Variants in ROCK1 observed in about 807,000 individuals in gnomAD.
ROCK1 encodes the protein rho-associated protein kinase 1.
Under a neutral mutation model 196.8 loss-of-function variants are expected in ROCK1, and 36 were observed. The ratio of observed to expected loss-of-function variants is 0.18; its 90% CI spans 0.14 to 0.24. The LOEUF (loss-of-function observed/expected upper bound fraction) is 0.24, where lower values mean the gene tolerates loss of function less well. ROCK1 is among the 10% of genes least tolerant of loss of function. The pLI, the probability that ROCK1 is intolerant of heterozygous loss-of-function variation, is 1.00. For synonymous variants in ROCK1, 443 were observed against 515.9 expected (o/e 0.86, Z 1.91); for missense variants, 920 against 1,562.0 (o/e 0.59, Z 6.93).
At chr18:20,991,153 A>G (rs770421465) in intron 18 of ROCK1, 23 bp downstream of exon 18, 1 of 1,557,926 alleles carries the variant, frequency 6.4e-7, no homozygotes, top group East Asian at 2.3e-5. Flanking sequence ...CAATTTTGTA[A>G]AAATATTAAA....
chr18:21,038,184 C>T lies in ROCK1; in HGVS notation c.1051+1288G>A, dbSNP rs115533540. On this transcript the variant is annotated intron_variant, in intron 9 of 32. Transcript: ENST00000399799. Reference sequence around the variant, plus strand: ...AGTGTTTTGATGTAACCATTTCTCACTCCCTGATCATCTCTTTGTCATGCA... The same window carrying T: ...AGTGTTTTGATGTAACCATTTCTCATTCCCTGATCATCTCTTTGTCATGCA... Among the ~76,000 whole-genome samples the T allele has an allele frequency of 4.2e-3, 645 of 152,250 alleles. 3 individuals carry two copies. Among genetic ancestry groups the T allele is most frequent in the African/African-American group, 0.015 (617 of 41,564 alleles).
In ROCK1 at chr18:21,047,772, T is replaced by C. The variant is rs2036173468; in HGVS notation, c.414+1320A>G. 2.0e-5 allele frequency among the ~76,000 whole-genome samples: 3 copies of C among 150,262 alleles called. No homozygotes were observed. The South Asian group carries it at 6.3e-4, about 32-fold the overall frequency. ...GAGATCGCACCATTGCACTCCGGCCTGGGCGACAGAGCGAGACTCCGTCTC... is the reference window on the plus strand; with the variant it reads ...GAGATCGCACCATTGCACTCCGGCCCGGGCGACAGAGCGAGACTCCGTCTC... On this transcript the variant is annotated intron_variant, in intron 4 of 32. Transcript: ENST00000399799.
At chr18:21,016,047 G>C (rs1026348132) in intron 12 of ROCK1, among the ~76,000 whole-genome samples, 1 of 151,668 alleles carries the variant, frequency 6.6e-6, no homozygotes, top group Non-Finnish European at 1.5e-5. Context: ...GTGTAATTCA[G>C]TAGTATATAT....
intron 29 of ROCK1, among the ~76,000 whole-genome samples, chr18:20,959,220 T>TA (rs2035302151): frequency 1.2e-5 from 1 of 84,714 alleles, no homozygotes; most frequent in Non-Finnish European, 2.2e-5. Flanking sequence ...ATATATATAT[T>TA]TTTTTTTTGA....
intron 2 of ROCK1, among the ~76,000 whole-genome samples, chr18:21,054,482 C>A (rs1011679036): frequency 6.6e-6 from 1 of 151,986 alleles, no homozygotes; most frequent in Non-Finnish European, 1.5e-5. Context: ...CAAGTGGGGA[C>A]CTTTACTTTT....
chr18:20,985,779 T>C (rs547176210), intron 19 of ROCK1, among the ~76,000 whole-genome samples: 1 of 152,170 alleles, frequency 6.6e-6, no homozygotes, highest in Non-Finnish European at 1.5e-5. Context: ...CTCTAATTTC[T>C]CTTCTTTCTA....
At chr18:20,974,180 A>G (rs1015819067) in intron 22 of ROCK1, among the ~76,000 whole-genome samples, 1 of 152,238 alleles carries the variant, frequency 6.6e-6, no homozygotes, top group Non-Finnish European at 1.5e-5. Flanking sequence ...GTGAAAGAGA[A>G]TAGATGTTCT....
At chr18:20,995,964 G>A (rs575138032) in intron 16 of ROCK1, among the ~76,000 whole-genome samples, 49 of 152,172 alleles carry the variant, frequency 3.2e-4, no homozygotes, top group African/African-American at 1.2e-3. Context: ...AGCCCAGACT[G>A]CAATGACTAC....
intron 27 of ROCK1, among the ~76,000 whole-genome samples, chr18:20,964,340 A>T (rs1435413536): frequency 6.6e-6 from 1 of 152,188 alleles, no homozygotes; most frequent in Non-Finnish European, 1.5e-5. Flanking sequence ...TTAAGAATGA[A>T]TATCAACATT....
At chr18:21,087,152 CA>C (rs2036534777) in intron 1 of ROCK1, among the ~76,000 whole-genome samples, 1 of 151,824 alleles carries the variant, frequency 6.6e-6, no homozygotes, top group African/African-American at 2.4e-5. Flanking sequence ...CTAGAGTAAC[CA>C]ATTTAAAAAG....
At chr18:20,952,595 T>C (rs1422227222) in intron 32 of ROCK1, among the ~76,000 whole-genome samples, 2 of 151,822 alleles carry the variant, frequency 1.3e-5, no homozygotes, top group African/African-American at 2.4e-5. Context: ...CTGGCCAACA[T>C]GATGAAACCC....
intron 2 of ROCK1, among the ~76,000 whole-genome samples, chr18:21,059,240 GC>G (rs1276506422): frequency 2.0e-5 from 3 of 152,078 alleles, no homozygotes; most frequent in African/African-American, 7.2e-5. Context: ...GTTATCACTA[GC>G]CTAAAATGAC....
At chr18:20,957,311 A>G (rs2035252051) in intron 29 of ROCK1, among the ~76,000 whole-genome samples, 2 of 152,268 alleles carry the variant, frequency 1.3e-5, no homozygotes, top group Non-Finnish European at 2.9e-5. Context: ...ATTCAGCAAT[A>G]CAAAGAACAA....
chr18:21,053,143 AG>A (rs1426816130), intron 2 of ROCK1, among the ~76,000 whole-genome samples: 1 of 152,194 alleles, frequency 6.6e-6, no homozygotes, highest in Non-Finnish European at 1.5e-5. Flanking sequence ...TCTTGCCCAA[AG>A]GCTAACAGTC....
chr18:20,999,749 G>A (rs1197744554), intron 16 of ROCK1, among the ~76,000 whole-genome samples: 1 of 152,106 alleles, frequency 6.6e-6, no homozygotes, highest in African/African-American at 2.4e-5. Flanking sequence ...CTGTCAGCCA[G>A]GCTGGAGCAC....
chr18:21,078,341 T>TACACACAAAC (rs1491221039), intron 1 of ROCK1, among the ~76,000 whole-genome samples: 3 of 128,786 alleles, frequency 2.3e-5, no homozygotes, highest in African/African-American at 9.3e-5. Context: ...AACACCCACC[T>TACACACAAAC]ACACACACAC....
intron 9 of ROCK1, among the ~76,000 whole-genome samples, chr18:21,034,870 G>A (rs9957055): frequency 0.035 from 5,334 of 152,206 alleles, 327 homozygotes; most frequent in African/African-American, 0.12. Flanking sequence ...TGCAAACCAT[G>A]TATCTGATAA....
chr18:21,013,885 C>T (rs1175714012), intron 13 of ROCK1, among the ~76,000 whole-genome samples: 1 of 151,934 alleles, frequency 6.6e-6, no homozygotes, highest in South Asian at 2.1e-4. Context: ...TACAGTGAAA[C>T]CCCATCTCTA....
chr18:21,053,782 A>G (rs1263395779), intron 2 of ROCK1, among the ~76,000 whole-genome samples: 1 of 152,152 alleles, frequency 6.6e-6, no homozygotes, highest in Non-Finnish European at 1.5e-5. Context: ...GGCTGCAGTG[A>G]GCTATGAATG....
Sources: gnomAD v4.1 joint callset for allele counts (sites outside exome capture counted in the v4.1 genomes callset) on GRCh38, gnomAD v4.1.1 for gene constraint, MANE v1.5 for transcripts, NCBI Gene and HGNC (gene_info 2026-07-23, HGNC 2026-07-21) for gene names.